DACH2: variants seen among roughly 807,000 people sequenced by gnomAD.
DACH2 encodes the protein dachshund family transcription factor 2.
Under a neutral mutation model 35.8 loss-of-function variants are expected in DACH2, and 17 were observed. That is an observed-to-expected ratio of 0.48 (90% CI 0.33 to 0.71). The LOEUF (loss-of-function observed/expected upper bound fraction) is 0.71, where lower values mean the gene tolerates loss of function less well. Among genes scored for constraint, DACH2 ranks in the 30% least tolerant of loss-of-function variants. The pLI, the probability that DACH2 is intolerant of heterozygous loss-of-function variation, is 0.02. For synonymous variants in DACH2, 195 were observed against 177.3 expected (o/e 1.10, Z -0.79); for missense variants, 469 against 472.7 (o/e 0.99, Z 0.07).
At chrX:86,378,504 G>A (rs2036000365) in intron 2 of DACH2, among the ~76,000 whole-genome samples, 1 of 110,804 alleles carries the variant, frequency 9.0e-6, no homozygotes, top group African/African-American at 3.3e-5. Context: ...TTATTACCAT[G>A]TGGGAATGCA....
chrX:86,394,651 G>C (rs1289555084), intron 2 of DACH2, among the ~76,000 whole-genome samples: 1 of 111,092 alleles, frequency 9.0e-6, no homozygotes, highest in Non-Finnish European at 1.9e-5. Flanking sequence ...GAAGAAACTG[G>C]GATATTAAAC....
rs914096887 is a variant in DACH2 at position 86,602,313 on chromosome X, C to T, written c.641-48723C>T. Among the ~76,000 whole-genome samples the T allele has an allele frequency of 2.9e-4, 33 of 112,237 alleles. 1 individual carries two copies. Among genetic ancestry groups the T allele is most frequent in the Non-Finnish European group, 9.4e-5 (5 of 53,147 alleles). The stretch of plus-strand genomic sequence containing the variant: ...TTGCAAATATACCTTCTATAAACAT[C>T]TGTGTACAGATATTTGTGTGAATAT... On this transcript the variant is annotated intron_variant, in intron 3 of 11. Transcript: ENST00000373125.
intron 2 of DACH2, among the ~76,000 whole-genome samples, chrX:86,456,223 C>T (rs1354860513): frequency 8.9e-6 from 1 of 112,238 alleles, no homozygotes; most frequent in African/African-American, 3.2e-5. Context: ...AATTCACTTG[C>T]CCCTTTCATT....
At chrX:86,775,399 G>A (rs767979711) in intron 7 of DACH2, among the ~76,000 whole-genome samples, 4 of 111,211 alleles carry the variant, frequency 3.6e-5, no homozygotes, top group Non-Finnish European at 7.5e-5. Context: ...GATCAGAAGC[G>A]ACATTAGATT....
At chrX:86,477,678 T>C (rs2037869285) in intron 2 of DACH2, among the ~76,000 whole-genome samples, 1 of 110,735 alleles carries the variant, frequency 9.0e-6, no homozygotes, top group Non-Finnish European at 1.9e-5. Flanking sequence ...TTACTATAAA[T>C]AAGGACTTAC....
chrX:86,293,329 G>T (rs1218008516), intron 1 of DACH2, among the ~76,000 whole-genome samples: 2 of 109,986 alleles, frequency 1.8e-5, no homozygotes, highest in Admixed American at 1.9e-4. Flanking sequence ...CTCTCTGCAC[G>T]TGAGATGGGT....
intron 2 of DACH2, among the ~76,000 whole-genome samples, chrX:86,468,552 C>T (rs757165493): frequency 9.0e-6 from 1 of 111,600 alleles, no homozygotes; most frequent in South Asian, 3.7e-4. Context: ...AGAGTACTTC[C>T]AATTTCTCCT....
At chrX:86,592,795 T>C (rs755777034) in intron 3 of DACH2, among the ~76,000 whole-genome samples, 1 of 111,933 alleles carries the variant, frequency 8.9e-6, no homozygotes, top group African/African-American at 3.2e-5. Context: ...TAAAGGAAGG[T>C]TTGTTTTCAA....
At chrX:86,456,879 T>A (rs934713225) in intron 2 of DACH2, among the ~76,000 whole-genome samples, 3 of 111,458 alleles carry the variant, frequency 2.7e-5, no homozygotes, top group Non-Finnish European at 3.8e-5. Context: ...GGTGTTTTTG[T>A]TTTTGTTTTC....
At chrX:86,674,225 G>T (rs1029764800) in intron 4 of DACH2, among the ~76,000 whole-genome samples, 5 of 112,175 alleles carry the variant, frequency 4.5e-5, no homozygotes, top group African/African-American at 1.6e-4. Flanking sequence ...AGAGGACATT[G>T]TTCATTACTC....
At chrX:86,791,293 T>G in intron 7 of DACH2, among the ~76,000 whole-genome samples, 1 of 111,852 alleles carries the variant, frequency 8.9e-6, no homozygotes, top group Non-Finnish European at 1.9e-5. Flanking sequence ...TAGTTCACAC[T>G]AAGCATAGAA....
intron 6 of DACH2, among the ~76,000 whole-genome samples, chrX:86,717,747 AAT>A (rs3071844): frequency 3.8e-4 from 37 of 98,488 alleles, no homozygotes; most frequent in African/African-American, 7.7e-4. Flanking sequence ...TATTATATAT[AAT>A]ATATATATAT....
At chrX:86,548,324 G>T (rs1002277632) in intron 3 of DACH2, among the ~76,000 whole-genome samples, 2 of 110,781 alleles carry the variant, frequency 1.8e-5, no homozygotes, top group Non-Finnish European at 3.8e-5. Flanking sequence ...TTAAAATGAG[G>T]TACAATAGGA....
At position 86,510,991 on chromosome X, in the gene DACH2, G is replaced by T. The variant is rs1468717907; in HGVS notation, c.528-3288G>T. 2.7e-5 allele frequency among the ~76,000 whole-genome samples: 3 copies of T among 111,833 alleles called. No homozygotes were observed. In the East Asian group the frequency reaches 8.4e-4, roughly 31 times the overall value. On this transcript the variant is annotated intron_variant, in intron 2 of 11. Coordinates refer to ENST00000373125, the MANE Select transcript of DACH2 (RefSeq NM_053281.3). ...GCAATCAACATTTTAGTAGAAGCAG[G>T]TGCTACAATGATGGACCTTTCAACC... is the stretch of plus-strand genomic sequence containing the variant.
At chrX:86,654,214 A>AC (rs2040515171) in intron 4 of DACH2, among the ~76,000 whole-genome samples, 1 of 101,772 alleles carries the variant, frequency 9.8e-6, no homozygotes, top group Non-Finnish European at 2.0e-5. Flanking sequence ...AAAAAAAAAA[A>AC]CGCAATTAAA....
At chrX:86,415,820 A>T (rs2036695511) in intron 2 of DACH2, among the ~76,000 whole-genome samples, 1 of 112,137 alleles carries the variant, frequency 8.9e-6, no homozygotes, top group South Asian at 3.7e-4. Flanking sequence ...CCAGAAAATA[A>T]TTGTTAGTTA....
At chrX:86,574,636 A>C (rs2039413874) in intron 3 of DACH2, among the ~76,000 whole-genome samples, 2 of 111,705 alleles carry the variant, frequency 1.8e-5, no homozygotes, top group Admixed American at 1.9e-4. Flanking sequence ...GACATTTAAA[A>C]CTTTAAGTAT....
intron 6 of DACH2, among the ~76,000 whole-genome samples, chrX:86,724,035 A>G (rs2148467508): frequency 9.0e-6 from 1 of 111,582 alleles, no homozygotes; most frequent in South Asian, 3.7e-4. Flanking sequence ...TGTTACCAGC[A>G]TAAAGTTGGA....
chrX:86,553,592 A>T (rs1375792627), intron 3 of DACH2, among the ~76,000 whole-genome samples: 1 of 112,202 alleles, frequency 8.9e-6, no homozygotes, highest in East Asian at 2.8e-4. Context: ...CTCAATATTA[A>T]CCATCATACA....
Sources: gnomAD v4.1 joint callset for allele counts (sites outside exome capture counted in the v4.1 genomes callset) on GRCh38, gnomAD v4.1.1 for gene constraint, MANE v1.5 for transcripts, NCBI Gene and HGNC (gene_info 2026-07-23, HGNC 2026-07-21) for gene names.